CSMD1: variants seen among roughly 807,000 people sequenced by gnomAD.
CSMD1 encodes CUB and Sushi multiple domains 1.
Under a neutral mutation model 417.5 loss-of-function variants are expected in CSMD1, and 213 were observed. The observed-to-expected ratio is 0.51, with a 90% CI of 0.46 to 0.57. The LOEUF (loss-of-function observed/expected upper bound fraction) is 0.57, where lower values mean the gene tolerates loss of function less well. Ranked by LOEUF, CSMD1 falls within the 20% of genes least tolerant of loss-of-function variation. CSMD1 has a pLI of 0.00. For missense variants in CSMD1, 6,923 were observed against 4,529.7 expected, an observed-to-expected ratio of 1.53 and a Z score of -15.17; for synonymous variants, 2,862 against 1,736.8, an observed-to-expected ratio of 1.65 and a Z score of -16.11.
chr8:4,725,811 G>C (rs1338680317), intron 1 of CSMD1, among the ~76,000 whole-genome samples: 1 of 152,114 alleles, frequency 6.6e-6, no homozygotes, highest in Non-Finnish European at 1.5e-5. Flanking sequence ...TGCTCGGTTG[G>C]AACTGAGTGT....
At chr8:4,169,594 G>T (rs372851870) in intron 3 of CSMD1, among the ~76,000 whole-genome samples, 1 of 152,186 alleles carries the variant, frequency 6.6e-6, no homozygotes, top group South Asian at 2.1e-4. Context: ...GGCATTAGAA[G>T]AATCTTGTGA....
chr8:4,586,555 G>A (rs1294762615), intron 2 of CSMD1, among the ~76,000 whole-genome samples: 3 of 151,618 alleles, frequency 2.0e-5, no homozygotes, highest in African/African-American at 7.3e-5. Context: ...TTTTATGGAC[G>A]TAACCTTTTT....
intron 3 of CSMD1, among the ~76,000 whole-genome samples, chr8:4,135,452 G>A (rs938296346): frequency 1.3e-4 from 20 of 151,842 alleles, no homozygotes; most frequent in Admixed American, 9.8e-4. Context: ...GAAATTATCA[G>A]AAGCAAAATG....
chr8:4,457,481 T>A (rs562442596), intron 2 of CSMD1, among the ~76,000 whole-genome samples: 1 of 152,066 alleles, frequency 6.6e-6, no homozygotes, highest in Admixed American at 6.6e-5. Flanking sequence ...AAAGATTACC[T>A]GTAGTTTTCT....
In CSMD1 at chr8:4,398,385, C is replaced by CTTTTTTTTTTTT. The variant is rs1317009143; in HGVS notation, c.415+21567_415+21568insAAAAAAAAAAAA. On this transcript the variant is annotated intron_variant, in intron 3 of 69. Coordinates refer to ENST00000635120, the MANE Select transcript of CSMD1 (RefSeq NM_033225.6). ...CTCTTTTTAAATTGTCTTGCTGCAA[C>CTTTTTTTTTTTT]TTCTTTTTTTTTTTTTTTTTTTTGT... Among the ~76,000 whole-genome samples, 5 of 118,134 alleles carry CTTTTTTTTTTTT rather than the reference C, an allele frequency of 4.2e-5. 1 individual carries two copies. The highest frequency in any genetic ancestry group is 6.4e-5 in the African/African-American group (2 of 31,074). 77.5% of individuals were successfully genotyped at this position (118,134 alleles called of 152,430 possible).
chr8:4,778,518 A>T (rs926434917), intron 1 of CSMD1, among the ~76,000 whole-genome samples: 1 of 152,206 alleles, frequency 6.6e-6, no homozygotes, highest in African/African-American at 2.4e-5. Context: ...GGCACGGTAT[A>T]AGCATACAGC....
intron 1 of CSMD1, among the ~76,000 whole-genome samples, chr8:4,905,240 A>C (rs978864684): frequency 2.6e-5 from 4 of 152,142 alleles, no homozygotes; most frequent in African/African-American, 9.7e-5. Context: ...CTCTCCTCCA[A>C]GTAACACATT....
chr8:4,781,670 G>A (rs1402060508), intron 1 of CSMD1, among the ~76,000 whole-genome samples: 3 of 152,134 alleles, frequency 2.0e-5, no homozygotes, highest in African/African-American at 7.2e-5. Context: ...CTGTAAAATG[G>A]TATCGGTCAT....
At chr8:3,728,965 T>C (rs991696602) in intron 6 of CSMD1, among the ~76,000 whole-genome samples, 5 of 152,174 alleles carry the variant, frequency 3.3e-5, no homozygotes, top group Non-Finnish European at 7.3e-5. Flanking sequence ...CGTTCGAATA[T>C]CTGCAGGGCT....
chr8:3,708,697 T>G (rs1356128713), intron 6 of CSMD1, among the ~76,000 whole-genome samples: 3 of 152,178 alleles, frequency 2.0e-5, no homozygotes, highest in Non-Finnish European at 2.9e-5. Flanking sequence ...AGATCACATC[T>G]TACAGCATCA....
At chr8:3,836,616 G>C (rs1242884538) in intron 5 of CSMD1, among the ~76,000 whole-genome samples, 1 of 152,046 alleles carries the variant, frequency 6.6e-6, no homozygotes, top group African/African-American at 2.4e-5. Flanking sequence ...TTTACTAAAT[G>C]GTATTTGACC....
At chr8:3,841,827 G>A (rs1474041372) in intron 5 of CSMD1, among the ~76,000 whole-genome samples, 1 of 151,922 alleles carries the variant, frequency 6.6e-6, no homozygotes, top group African/African-American at 2.4e-5. Context: ...TCAAAGCACC[G>A]AGACTTTGCA....
At chr8:3,208,712 TG>T (rs1440404159) in intron 30 of CSMD1, among the ~76,000 whole-genome samples, 3 of 152,152 alleles carry the variant, frequency 2.0e-5, no homozygotes, top group Non-Finnish European at 4.4e-5. Flanking sequence ...ACCCTTAATT[TG>T]GGTGGGCACC....
At chr8:4,063,733 G>C (rs966698569) in intron 3 of CSMD1, among the ~76,000 whole-genome samples, 1 of 152,106 alleles carries the variant, frequency 6.6e-6, no homozygotes, top group Non-Finnish European at 1.5e-5. Flanking sequence ...CTTAGAAATG[G>C]GAAGTGCCTT....
intron 5 of CSMD1, among the ~76,000 whole-genome samples, chr8:3,867,831 G>T (rs1459018467): frequency 6.6e-6 from 1 of 151,960 alleles, no homozygotes; most frequent in African/African-American, 2.4e-5. Flanking sequence ...TCAATTCTAG[G>T]CCTCCATTTC....
rs536500207 is a variant in CSMD1 at position 3,630,539 on chromosome 8, C to T, written c.1010-13742G>A. On this transcript the variant is annotated intron_variant, in intron 7 of 69. Coordinates refer to ENST00000635120, the MANE Select transcript of CSMD1 (RefSeq NM_033225.6). ...AGTTCATCGTCGCTACTCCTACAGA[C>T]CCAGGCAAAGCCAATTAGAGGAAGA... 6.6e-5 allele frequency among the ~76,000 whole-genome samples: 10 copies of T among 152,270 alleles called. No homozygotes were observed. The East Asian group carries it at 1.5e-3, about 24-fold the overall frequency.
At chr8:4,823,891 G>T (rs1001697584) in intron 1 of CSMD1, among the ~76,000 whole-genome samples, 45 of 151,946 alleles carry the variant, frequency 3.0e-4, no homozygotes, top group African/African-American at 1.0e-3. Flanking sequence ...CTTTGAGAGA[G>T]AAATACTCTT....
At chr8:4,099,493 C>G (rs1020307243) in intron 3 of CSMD1, among the ~76,000 whole-genome samples, 5 of 152,072 alleles carry the variant, frequency 3.3e-5, no homozygotes, top group Admixed American at 1.3e-4. Flanking sequence ...TCCTTCCAGC[C>G]TTCAATGCTG....
chr8:4,817,682 T>C (rs1799284918), intron 1 of CSMD1, among the ~76,000 whole-genome samples: 1 of 152,360 alleles, frequency 6.6e-6, no homozygotes, highest in Middle Eastern at 3.4e-3. Flanking sequence ...TATCAAAAGA[T>C]AATGCTATCA....
Sources: gnomAD v4.1 joint callset for allele counts (sites outside exome capture counted in the v4.1 genomes callset) on GRCh38, gnomAD v4.1.1 for gene constraint, MANE v1.5 for transcripts, NCBI Gene and HGNC (gene_info 2026-07-23, HGNC 2026-07-21) for gene names.